Variants in ZNF438 observed in about 807,000 individuals in gnomAD.
ZNF438 encodes zinc finger protein 438.
A neutral mutation model predicts 38.0 loss-of-function variants in ZNF438; 25 were observed. The ratio of observed to expected loss-of-function variants is 0.66; its 90% CI spans 0.48 to 0.92. ZNF438 has a LOEUF of 0.92. ZNF438 is among the 40% of genes least tolerant of loss of function. The pLI is 0.00. For synonymous variants in ZNF438, 372 were observed against 364.1 expected, an observed-to-expected ratio of 1.02 and a Z score of -0.25; for missense variants, 1,007 against 999.6, an observed-to-expected ratio of 1.01 and a Z score of -0.10.
At chr10:30,890,096 AAAAAAAAG>A (rs1251885128) in intron 3 of ZNF438, among the ~76,000 whole-genome samples, 1 of 134,776 alleles carries the variant, frequency 7.4e-6, no homozygotes, top group African/African-American at 2.7e-5. Flanking sequence ...AAAAAAAAAA[AAAAAAAAG>A]AAAAAAAAAG....
intron 1 of ZNF438, among the ~76,000 whole-genome samples, chr10:31,001,530 T>C (rs1213092437): frequency 6.6e-6 from 1 of 152,176 alleles, no homozygotes; most frequent in Non-Finnish European, 1.5e-5. Flanking sequence ...CAACTGATTT[T>C]AAAAATTATA....
At chr10:30,861,147 T>C (rs900607204) in intron 4 of ZNF438, among the ~76,000 whole-genome samples, 1 of 152,124 alleles carries the variant, frequency 6.6e-6, no homozygotes, top group Non-Finnish European at 1.5e-5. Context: ...CGCAAATCCA[T>C]AGATGCTCAA....
chr10:30,905,437 G>A (rs973710159), intron 3 of ZNF438, among the ~76,000 whole-genome samples: 7 of 152,122 alleles, frequency 4.6e-5, no homozygotes, highest in Non-Finnish European at 8.8e-5. Flanking sequence ...CAATTTCTTT[G>A]ACCAGTTTTA....
intron 1 of ZNF438, among the ~76,000 whole-genome samples, chr10:30,953,881 C>T (rs2048551911): frequency 6.6e-6 from 1 of 152,194 alleles, no homozygotes; most frequent in Non-Finnish European, 1.5e-5. Flanking sequence ...CAGTGGCTCA[C>T]ACCTGTACTC....
intron 3 of ZNF438, 76 bp from the exon 5 acceptor site, chr10:30,877,141 T>C: frequency 1.3e-6 from 1 of 779,318 alleles, no homozygotes; most frequent in East Asian, 3.2e-5. Context: ...ATATAGAAAT[T>C]CTAAGCTGTT....
intron 2 of ZNF438, chr10:30,923,172 A>G (rs1482548284): frequency 1.3e-5 from 2 of 152,204 alleles, no homozygotes; most frequent in Non-Finnish European, 2.9e-5. Flanking sequence ...CATGTAACTC[A>G]GCAGGATGAG....
intron 2 of ZNF438, among the ~76,000 whole-genome samples, chr10:30,914,862 G>A (rs2043437682): frequency 6.6e-6 from 1 of 151,946 alleles, no homozygotes; most frequent in Admixed American, 6.6e-5. Context: ...ATCTTAAAAT[G>A]TACTTGAAAG....
intron 3 of ZNF438, among the ~76,000 whole-genome samples, chr10:30,890,147 A>G (rs2040508534): frequency 6.6e-6 from 1 of 152,068 alleles, no homozygotes. Flanking sequence ...AAGTCCAAAA[A>G]ACATTATTTC....
intron 3 of ZNF438, among the ~76,000 whole-genome samples, chr10:30,902,278 G>A (rs753193912): frequency 1.7e-4 from 26 of 152,130 alleles, no homozygotes; most frequent in Admixed American, 6.5e-4. Context: ...GTGCTGATTG[G>A]TGTGTTTACA....
rs1026896110 is a variant in ZNF438 at position 30,993,923 on chromosome 10, A to T, written c.-192+37910T>A. Among the ~76,000 whole-genome samples the T allele has an allele frequency of 3.9e-5, 6 of 152,254 alleles. 1 individual carries two copies. The highest frequency in any genetic ancestry group is 3.9e-4 in the Admixed American group (6 of 15,290). On this transcript the variant is annotated intron_variant, in intron 1 of 5. Coordinates refer to ENST00000413025, the Ensembl canonical transcript of ZNF438. The stretch of plus-strand genomic sequence containing the variant: ...TCAAAGGAGATTATTCTCCAGCTGT[A>T]AGATGTAATGCTGTTTTCCTTGTTG...
intron 1 of ZNF438, among the ~76,000 whole-genome samples, chr10:31,001,551 TAAAG>T (rs1324664123): frequency 6.6e-6 from 1 of 152,200 alleles, no homozygotes; most frequent in Admixed American, 6.5e-5. Context: ...TATTGTATCA[TAAAG>T]ATTGTAATAA....
chr10:31,013,821 A>G (rs1484969264), intron 1 of ZNF438, among the ~76,000 whole-genome samples: 1 of 152,174 alleles, frequency 6.6e-6, no homozygotes, highest in Non-Finnish European at 1.5e-5. Flanking sequence ...GAACCAAACT[A>G]ATATACATCC....
At chr10:30,886,204 G>A (rs1223824873) in intron 3 of ZNF438, among the ~76,000 whole-genome samples, 2 of 152,168 alleles carry the variant, frequency 1.3e-5, no homozygotes, top group African/African-American at 4.8e-5. Flanking sequence ...TATAAACTCA[G>A]ACACCATATA....
intron 3 of ZNF438, among the ~76,000 whole-genome samples, chr10:30,897,077 T>G (rs2041444262): frequency 6.6e-6 from 1 of 152,240 alleles, no homozygotes; most frequent in Admixed American, 6.5e-5. Flanking sequence ...TAGACATACA[T>G]CTATGTCAGA....
At chr10:30,967,407 G>A (rs1218451086) in intron 1 of ZNF438, among the ~76,000 whole-genome samples, 6 of 152,172 alleles carry the variant, frequency 3.9e-5, no homozygotes, top group Admixed American at 3.3e-4. Flanking sequence ...AACTTAAAAT[G>A]ATCTACTGAT....
intron 1 of ZNF438, among the ~76,000 whole-genome samples, chr10:30,947,184 G>A (rs1417789447): frequency 2.6e-5 from 4 of 152,158 alleles, no homozygotes; most frequent in Non-Finnish European, 4.4e-5. Flanking sequence ...CCTCCAGACC[G>A]CATTGAGCTC....
intron 1 of ZNF438, among the ~76,000 whole-genome samples, chr10:30,978,112 G>C (rs922252022): frequency 1.3e-5 from 2 of 152,174 alleles, no homozygotes; most frequent in Non-Finnish European, 2.9e-5. Context: ...CCAAGAACCA[G>C]TTGTAATTAT....
At chr10:30,948,446 T>G (rs1341219531) in intron 1 of ZNF438, among the ~76,000 whole-genome samples, 1 of 152,066 alleles carries the variant, frequency 6.6e-6, no homozygotes, top group East Asian at 1.9e-4. Flanking sequence ...ACGATCAAAT[T>G]ACTCTGAGCT....
chr10:30,906,984 G>A (rs1316328610), intron 3 of ZNF438, among the ~76,000 whole-genome samples: 1 of 151,994 alleles, frequency 6.6e-6, no homozygotes, highest in Admixed American at 6.5e-5. Context: ...ATTTTTCTTT[G>A]TTAGTTTAAG....
Sources: allele counts gnomAD v4.1 joint callset (sites outside exome capture counted in the v4.1 genomes callset), GRCh38; gene constraint gnomAD v4.1.1; transcripts MANE v1.5; gene names NCBI Gene and HGNC (gene_info 2026-07-23, HGNC 2026-07-21).